Variants in WDR33 observed in about 807,000 individuals in gnomAD.
The protein encoded by WDR33 is WD repeat domain 33, also known as pre-mRNA 3' end processing protein WDR33.
Under a neutral mutation model 164.9 loss-of-function variants are expected in WDR33, and 47 were observed. The ratio of observed to expected loss-of-function variants is 0.29; its 90% CI spans 0.23 to 0.36. The LOEUF (loss-of-function observed/expected upper bound fraction) is 0.36, where lower values mean the gene tolerates loss of function less well. Among genes scored for constraint, WDR33 ranks in the 10% least tolerant of loss-of-function variants. The pLI, the probability that WDR33 is intolerant of heterozygous loss-of-function variation, is 1.00. For synonymous variants in WDR33, 505 were observed against 589.0 expected, an observed-to-expected ratio of 0.86 and a Z score of 2.06; for missense variants, 1,137 against 1,754.1, an observed-to-expected ratio of 0.65 and a Z score of 6.28.
chr2:127,744,264 A>C (rs1424708610), intron 7 of WDR33, among the ~76,000 whole-genome samples: 1 of 152,132 alleles, frequency 6.6e-6, no homozygotes, highest in Non-Finnish European at 1.5e-5. Flanking sequence ...CCTAATGGAA[A>C]ATTTACGTAA....
intron 7 of WDR33, chr2:127,737,006 G>A: frequency 2.0e-6 from 2 of 985,288 alleles, no homozygotes; most frequent in Non-Finnish European, 2.4e-6. Context: ...CTGCCTGAGG[G>A]TGTATAAAAT....
chr2:127,769,036 A>AATAG (rs759684995), intron 2 of WDR33, 35 bp from the exon 3 acceptor site: 46 of 1,126,574 alleles, frequency 4.1e-5, no homozygotes, highest in African/African-American at 4.0e-4. Context: ...TAAATAAATA[A>AATAG]ATAGATCAAT....
Position 127,742,749 on chromosome 2 carries a change from G to C in WDR33, c.725-15972C>G, listed in dbSNP as rs187803416. On this transcript the variant is annotated intron_variant, in intron 7 of 21. Coordinates refer to ENST00000322313, the MANE Select transcript of WDR33 (RefSeq NM_018383.5). ...TTCCGTAAGACAAGCAAAGACAATG[G>C]AAACAATCATCAAAGAAAGAAAAAT... is the stretch of plus-strand genomic sequence containing the variant. Among the ~76,000 whole-genome samples, 106 of 149,576 alleles carry C rather than the reference G, an allele frequency of 7.1e-4. 1 individual carries two copies. The highest frequency in any genetic ancestry group is 2.5e-3 in the African/African-American group (100 of 40,566).
chr2:127,799,710 G>A (rs545372590), intron 1 of WDR33, among the ~76,000 whole-genome samples: 2 of 152,088 alleles, frequency 1.3e-5, no homozygotes, highest in South Asian at 2.1e-4. Context: ...CAGGAGAATC[G>A]CATCAATAGA....
intron 1 of WDR33, among the ~76,000 whole-genome samples, chr2:127,807,845 C>A (rs980828984): frequency 6.6e-6 from 1 of 152,170 alleles, no homozygotes; most frequent in Non-Finnish European, 1.5e-5. Flanking sequence ...GGACTCATGA[C>A]TCCCAAGACT....
At position 127,730,180 on chromosome 2, in the gene WDR33, A is replaced by G. The variant is rs574490105; in HGVS notation, c.725-3403T>C. Among the ~76,000 whole-genome samples, 40 of 152,362 alleles carry G rather than the reference A, an allele frequency of 2.6e-4. No homozygotes were observed. The South Asian group carries it at 7.7e-3, about 29-fold the overall frequency. On this transcript the variant is annotated intron_variant, in intron 7 of 21. Transcript: ENST00000322313. ...AAAAAAAATTTACTAAACTTACTTGATAACAGTGGATTACCTCTGGAAAGT... is the reference window on the plus strand; with the variant it reads ...AAAAAAAATTTACTAAACTTACTTGGTAACAGTGGATTACCTCTGGAAAGT...
rs985739448 is a variant in WDR33, at chr2:127,702,980, A to G, written c.*3343T>C. The G allele has an allele frequency of 2.8e-4, 46 of 167,104 alleles. No individual in the cohort carries two copies. The highest frequency in any genetic ancestry group is 1.1e-3 in the African/African-American group (46 of 41,458). The allele number at this position is 167,104 out of a possible 1,614,324, so 10.4% of individuals were successfully genotyped here. On this transcript the variant is annotated 3_prime_UTR_variant, in exon 22 of 22. Transcript: ENST00000322313. ...ACAAGCTCGAATTATTCCTCATTGT[A>G]TAGCCTGCTTTGTAAACTAGTTTAC...
intron 7 of WDR33, among the ~76,000 whole-genome samples, chr2:127,731,722 T>A (rs552675210): frequency 3.3e-5 from 5 of 152,190 alleles, no homozygotes; most frequent in Non-Finnish European, 7.3e-5. Context: ...TATATCTAGA[T>A]TAGAATGTAT....
At position 127,763,373 on chromosome 2, in the gene WDR33, T is replaced by C. The variant is rs1687734232; in HGVS notation, c.627-214A>G. On this transcript the variant is annotated intron_variant, in intron 6 of 21. Coordinates refer to ENST00000322313, the MANE Select transcript of WDR33 (RefSeq NM_018383.5). This position sits in a 1 kb window ranked among gnomAD's most constrained non-coding sequence, Gnocchi z 4.5. ...GAGCAGTTGTTTGAGTTTTCAATCA[T>C]CAGTATTCTGAGAACTTCAAGTGTG... 1 of 1,383,748 alleles carries C rather than the reference T, an allele frequency of 7.2e-7. No homozygotes were observed. Among genetic ancestry groups the C allele is most frequent in the Non-Finnish European group, 9.4e-7 (1 of 1,068,050 alleles). The allele number at this position is 1,383,748 out of a possible 1,614,324, so 85.7% of individuals were successfully genotyped here.
chr2:127,706,368 G>A lies in WDR33; in HGVS notation c.3966C>T (p.Gly1322=), dbSNP rs768116448. The part of the protein sequence containing the change: ...NWGRGSNMNS[G]PPRRGASRGG... ...CCCGTGAAGCTCCTCGCCTCGGCGG[G>A]CCAGAGTTCATGTTACTCCCTCTAC... The change falls in exon 22 of 22, where the codon GGC becomes GGT. Residue 1322 remains glycine, a synonymous_variant. Transcript: ENST00000322313. The surrounding 1 kb of genome is among the most constrained non-coding windows in gnomAD (Gnocchi z 5.1). The A allele has an allele frequency of 6.9e-6, 11 of 1,605,674 alleles. No homozygotes were observed. In the African/African-American group the frequency reaches 1.3e-4, roughly 20 times the overall value.
Position 127,721,397 on chromosome 2 carries a change from C to G in WDR33, c.1671+439G>C, listed in dbSNP as rs746730096. ...TGCTGGGATTACAGGTGTAAGCCAC[C>G]ACGCCTGACCCTAATTGGGTTTTAA... is the stretch of plus-strand genomic sequence containing the variant. On this transcript the variant is annotated intron_variant, in intron 15 of 21. Transcript: ENST00000322313. The surrounding 1 kb of genome is among the most constrained non-coding windows in gnomAD (Gnocchi z 4.9). Among the ~76,000 whole-genome samples the G allele has an allele frequency of 3.3e-5, 5 of 152,068 alleles. No homozygotes were observed. Among genetic ancestry groups the G allele is most frequent in the African/African-American group, 1.2e-4 (5 of 41,386 alleles).
chr2:127,777,717 TCTC>T (rs1397210172), intron 1 of WDR33, among the ~76,000 whole-genome samples: 1 of 152,094 alleles, frequency 6.6e-6, no homozygotes, highest in African/African-American at 2.4e-5. Context: ...CTCAAGTGAT[TCTC>T]CTGTCTCAGC....
At chr2:127,748,830 G>C (rs983786147) in intron 7 of WDR33, among the ~76,000 whole-genome samples, 2 of 146,584 alleles carry the variant, frequency 1.4e-5, no homozygotes, top group African/African-American at 2.5e-5. Flanking sequence ...TTACTGTCTC[G>C]ATCTCCTGGG....
At chr2:127,778,036 G>A (rs1416665940) in intron 1 of WDR33, among the ~76,000 whole-genome samples, 1 of 152,202 alleles carries the variant, frequency 6.6e-6, no homozygotes, top group Admixed American at 6.5e-5. Context: ...GCTCATGCTT[G>A]TAATCCCAAA....
At chr2:127,740,175 T>A (rs972291342) in intron 7 of WDR33, among the ~76,000 whole-genome samples, 1 of 152,190 alleles carries the variant, frequency 6.6e-6, no homozygotes, top group Non-Finnish European at 1.5e-5. Flanking sequence ...TACCAATCAC[T>A]TCCTTTTTAC....
chr2:127,719,502 G>C lies in WDR33; in HGVS notation c.2523C>G (p.Pro841=). ...QEIRGMQGPP[P]QGSMLGPPQE... Reference sequence around the variant, plus strand: ...GGGGAGGTCCCAGCATTGATCCTTGGGGTGGAGGCCCCTGCATGCCTCGGA... The same window carrying C: ...GGGGAGGTCCCAGCATTGATCCTTGCGGTGGAGGCCCCTGCATGCCTCGGA... The change falls in exon 16 of 22, where the codon CCC becomes CCG. Residue 841 remains proline, a synonymous_variant. Transcript: ENST00000322313. The surrounding 1 kb of genome is among the most constrained non-coding windows in gnomAD (Gnocchi z 6.5). 1.9e-6 allele frequency: 3 copies of C among 1,612,096 alleles called. No individual in the cohort carries two copies. The highest frequency in any genetic ancestry group is 1.7e-6 in the Non-Finnish European group (2 of 1,178,930).
In WDR33 at chr2:127,705,454, C is replaced by T. The variant is rs958955647; in HGVS notation, c.*869G>A. ...AAGTGTTGCAAAATTGTTTGAGGACCTATTTTGGTCCATTCCTTATCAACT... is the reference window on the plus strand; with the variant it reads ...AAGTGTTGCAAAATTGTTTGAGGACTTATTTTGGTCCATTCCTTATCAACT... On this transcript the variant is annotated 3_prime_UTR_variant, in exon 22 of 22. Coordinates refer to ENST00000322313, the MANE Select transcript of WDR33 (RefSeq NM_018383.5). The surrounding 1 kb of genome is among the most constrained non-coding windows in gnomAD (Gnocchi z 4.5). 1.3e-5 allele frequency: 2 copies of T among 152,184 alleles called. No individual in the cohort carries two copies. The highest frequency in any genetic ancestry group is 4.8e-5 in the African/African-American group (2 of 41,436). The allele number at this position is 152,184 out of a possible 1,614,324, so 9.4% of individuals were successfully genotyped here.
chr2:127,795,212 T>C (rs1447735789), intron 1 of WDR33, among the ~76,000 whole-genome samples: 1 of 151,200 alleles, frequency 6.6e-6, no homozygotes, highest in Non-Finnish European at 1.5e-5. Flanking sequence ...GCAATTCTCC[T>C]GCCTCAGCCT....
At position 127,722,570 on chromosome 2, in the gene WDR33, G is replaced by A. The variant is rs778538954; in HGVS notation, c.1518+21C>T. ...AACCAAAACCTCTCTGCGTGGATGA[G>A]GTGGAGTCACTTTTACTTACCTGCT... On this transcript the variant is annotated intron_variant, in intron 14 of 21. Coordinates refer to ENST00000322313, the MANE Select transcript of WDR33 (RefSeq NM_018383.5). This position sits in a 1 kb window ranked among gnomAD's most constrained non-coding sequence, Gnocchi z 5.1. The A allele has an allele frequency of 6.2e-7, 1 of 1,610,124 alleles. No individual in the cohort carries two copies. Among genetic ancestry groups the A allele is most frequent in the South Asian group, 1.1e-5 (1 of 89,870 alleles).
Sources: gnomAD v4.1 joint callset for allele counts (sites outside exome capture counted in the v4.1 genomes callset) on GRCh38, gnomAD v4.1.1 for gene constraint, Gnocchi (gnomAD v3.1) non-coding constraint, MANE v1.5 for transcripts, NCBI Gene and HGNC (gene_info 2026-07-23, HGNC 2026-07-21) for gene names.